RBFOX1: variants seen among roughly 807,000 people sequenced by gnomAD.
The protein encoded by RBFOX1 is RNA binding fox-1 homolog 1.
RBFOX1 carries 8 observed loss-of-function variants against 57.7 expected under a neutral mutation model. The ratio of observed to expected loss-of-function variants is 0.14; its 90% confidence interval spans 0.08 to 0.25. RBFOX1 has a LOEUF of 0.25. RBFOX1 is among the 10% of genes least tolerant of loss of function. The pLI is 1.00. For synonymous variants in RBFOX1, 326 were observed against 222.4 expected (o/e 1.47, Z -4.15); for missense variants, 611 against 548.5 (o/e 1.11, Z -1.14).
chr16:6,256,840 G>A (rs1001549123), intron 1 of RBFOX1, among the ~76,000 whole-genome samples: 3 of 152,106 alleles, frequency 2.0e-5, no homozygotes, highest in Non-Finnish European at 4.4e-5. Context: ...GGAAGATACT[G>A]CTAAGAGCAG....
At chr16:5,289,706 G>T (rs1596407221) in intron 1 of RBFOX1, among the ~76,000 whole-genome samples, 5 of 152,340 alleles carry the variant, frequency 3.3e-5, no homozygotes, top group Admixed American at 3.3e-4. Flanking sequence ...GGGTGACCCA[G>T]GTCAACGTGA....
At chr16:7,152,440 A>G (rs1043864240) in intron 4 of RBFOX1, among the ~76,000 whole-genome samples, 1 of 152,208 alleles carries the variant, frequency 6.6e-6, no homozygotes, top group African/African-American at 2.4e-5. Context: ...ATCAATTGTT[A>G]ATGGTTATCA....
At chr16:6,126,846 C>T (rs970256498) in intron 1 of RBFOX1, among the ~76,000 whole-genome samples, 1 of 152,118 alleles carries the variant, frequency 6.6e-6, no homozygotes, top group South Asian at 2.1e-4. Context: ...AATGGTCCTG[C>T]CTTCATGAGG....
At chr16:6,288,976 G>A (rs758404673) in intron 1 of RBFOX1, among the ~76,000 whole-genome samples, 12 of 152,140 alleles carry the variant, frequency 7.9e-5, no homozygotes, top group African/African-American at 1.4e-4. Context: ...TTTAGCTCCA[G>A]TGGTGTGAGA....
At chr16:5,406,492 G>A (rs992353930) in intron 1 of RBFOX1, among the ~76,000 whole-genome samples, 1 of 152,094 alleles carries the variant, frequency 6.6e-6, no homozygotes, top group Non-Finnish European at 1.5e-5. Flanking sequence ...ATGACAGATT[G>A]TGGAACTTCT....
At chr16:5,718,954 C>T (rs1277232101) in intron 3 of RBFOX1, among the ~76,000 whole-genome samples, 1 of 147,634 alleles carries the variant, frequency 6.8e-6, no homozygotes, top group Non-Finnish European at 1.5e-5. Flanking sequence ...TCTGGCCTTA[C>T]TGCCTCCATG....
At chr16:5,933,399 A>G (rs905507177) in intron 4 of RBFOX1, among the ~76,000 whole-genome samples, 3 of 152,332 alleles carry the variant, frequency 2.0e-5, no homozygotes, top group Middle Eastern at 3.4e-3. Flanking sequence ...CGCATGTACC[A>G]GGGATCCTGC....
intron 4 of RBFOX1, among the ~76,000 whole-genome samples, chr16:7,305,291 A>G (rs551886078): frequency 1.3e-5 from 2 of 151,860 alleles, no homozygotes; most frequent in Non-Finnish European, 2.9e-5. Context: ...CTGCTCTGTC[A>G]TTCTTTCTTT....
chr16:5,491,108 C>T (rs2042813188), intron 2 of RBFOX1, among the ~76,000 whole-genome samples: 1 of 152,154 alleles, frequency 6.6e-6, no homozygotes, highest in Non-Finnish European at 1.5e-5. Flanking sequence ...TACGGGACCA[C>T]CGTCATATCT....
intron 2 of RBFOX1, among the ~76,000 whole-genome samples, chr16:5,550,904 T>C (rs1024155608): frequency 1.3e-5 from 2 of 152,086 alleles, no homozygotes; most frequent in African/African-American, 4.8e-5. Flanking sequence ...TTAAAGAAAA[T>C]GGTATATCCA....
intron 4 of RBFOX1, among the ~76,000 whole-genome samples, chr16:7,380,055 G>C (rs180997801): frequency 1.3e-5 from 2 of 152,104 alleles, no homozygotes; most frequent in African/African-American, 2.4e-5. Flanking sequence ...AGAGTGTCTT[G>C]CTATGTTTCC....
chr16:7,088,019 A>T (rs1251822927), intron 4 of RBFOX1, among the ~76,000 whole-genome samples: 19 of 152,194 alleles, frequency 1.2e-4, no homozygotes, highest in East Asian at 1.9e-4. Flanking sequence ...ATAATCTTGC[A>T]CTGGTATAGT....
At chr16:5,384,400 A>G (rs536372761) in intron 1 of RBFOX1, among the ~76,000 whole-genome samples, 2 of 152,302 alleles carry the variant, frequency 1.3e-5, no homozygotes, top group South Asian at 2.1e-4. Context: ...GAAAGAAAGG[A>G]TATAAGTTAA....
chr16:7,038,821 C>T (rs1256323604), intron 3 of RBFOX1, among the ~76,000 whole-genome samples: 1 of 152,144 alleles, frequency 6.6e-6, no homozygotes, highest in East Asian at 1.9e-4. Context: ...GGGGTCTTTA[C>T]CAAGAGGGTG....
chr16:6,170,500 T>C (rs1487970009), intron 1 of RBFOX1, among the ~76,000 whole-genome samples: 1 of 152,188 alleles, frequency 6.6e-6, no homozygotes, highest in Admixed American at 6.5e-5. Flanking sequence ...GAAATGAGCA[T>C]TTGTTGATTG....
At chr16:6,707,753 T>C (rs1167645142) in intron 3 of RBFOX1, among the ~76,000 whole-genome samples, 2 of 152,166 alleles carry the variant, frequency 1.3e-5, no homozygotes, top group Non-Finnish European at 2.9e-5. Context: ...TCTGCAACTT[T>C]AGTAGCCGTG....
chr16:6,737,089 C>A (rs960640174), intron 3 of RBFOX1, among the ~76,000 whole-genome samples: 4 of 152,130 alleles, frequency 2.6e-5, no homozygotes, highest in Non-Finnish European at 5.9e-5. Context: ...AGTGAAAAAT[C>A]AGTTCTGAGT....
chr16:5,703,495 C>T (rs184927748), intron 3 of RBFOX1, among the ~76,000 whole-genome samples: 89 of 152,276 alleles, frequency 5.8e-4, no homozygotes, highest in African/African-American at 2.0e-3. Context: ...TATCACAGAG[C>T]ATCCTCGTAT....
chr16:7,056,144 C>T (rs2052158957), intron 4 of RBFOX1, among the ~76,000 whole-genome samples: 1 of 152,148 alleles, frequency 6.6e-6, no homozygotes, highest in Non-Finnish European at 1.5e-5. Flanking sequence ...CCAGCTCAGC[C>T]CACAGATGCT....
Sources: allele counts gnomAD v4.1 joint callset (sites outside exome capture counted in the v4.1 genomes callset), GRCh38; gene constraint gnomAD v4.1.1; transcripts MANE v1.5; gene names NCBI Gene and HGNC (gene_info 2026-07-23, HGNC 2026-07-21).